The following PLEK2 variants were observed in gnomAD, a reference collection of about 807,000 sequenced individuals.
PLEK2 encodes the protein pleckstrin-2.
PLEK2 carries 29 observed loss-of-function variants against 43.8 expected under a neutral mutation model. That is an observed-to-expected ratio of 0.66 (90% confidence interval 0.49 to 0.90). PLEK2 has a LOEUF of 0.90. PLEK2 is among the 40% of genes least tolerant of loss of function. The pLI, the probability that PLEK2 is intolerant of heterozygous loss-of-function variation, is 0.00. For missense variants in PLEK2, 398 were observed against 448.1 expected (o/e 0.89, Z 1.01); for synonymous variants, 162 against 173.2 (o/e 0.94, Z 0.51).
chr14:67,392,893 C>T (rs376831704), intron 4 of PLEK2, 44 bp from the exon 5 acceptor site: 17 of 1,512,030 alleles, frequency 1.1e-5, no homozygotes, highest in African/African-American at 4.1e-5. Flanking sequence ...GATGGACCAG[C>T]GTCCTTGGGG....
At chr14:67,392,911 C>T (rs1008721020) in intron 4 of PLEK2, 62 bp from the exon 5 acceptor site, 13 of 1,380,428 alleles carry the variant, frequency 9.4e-6, no homozygotes, top group Non-Finnish European at 1.3e-5. Context: ...GGGTGTGTGG[C>T]CAATGACCTC....
At chr14:67,407,968 A>C (rs1201528193) in intron 1 of PLEK2, among the ~76,000 whole-genome samples, 1 of 151,938 alleles carries the variant, frequency 6.6e-6, no homozygotes, top group African/African-American at 2.4e-5. Context: ...TGGGTAACAT[A>C]CTGAGACATT....
intron 1 of PLEK2, among the ~76,000 whole-genome samples, chr14:67,400,572 T>G (rs1437416856): frequency 6.6e-6 from 1 of 152,202 alleles, no homozygotes; most frequent in Non-Finnish European, 1.5e-5. Flanking sequence ...CTGGGACATC[T>G]GGGTGCTTCT....
chr14:67,398,697 C>T (rs560075474), intron 1 of PLEK2, among the ~76,000 whole-genome samples: 2 of 152,206 alleles, frequency 1.3e-5, no homozygotes, highest in African/African-American at 4.8e-5. Flanking sequence ...GCTGGGACTA[C>T]AAGCGTGTGC....
In PLEK2 at chr14:67,388,280, C is replaced by T; in HGVS notation, c.878G>A (p.Gly293Glu). ...CACGAGTGAACCACGAAGAGAAAAC[C>T]CACCCACTGGCCTGTTCTCTTCCTG... ...PSKEENRPVG[G>E]FSLRGSLVSA... Residue 293 changes from glycine (G) to glutamate (E), a missense_variant, in exon 8 of 9, where the codon GGG becomes GAG. Transcript: ENST00000216446. 1 of 1,612,604 alleles carries T rather than the reference C, an allele frequency of 6.2e-7. No homozygotes were observed. The highest frequency in any genetic ancestry group is 8.5e-7 in the Non-Finnish European group (1 of 1,178,700).
In PLEK2 at chr14:67,407,585, C is replaced by T. The variant is rs576426800; in HGVS notation, c.42+4433G>A. Among the ~76,000 whole-genome samples, 6 of 151,952 alleles carry T rather than the reference C, an allele frequency of 3.9e-5. No homozygotes were observed. In the East Asian group the frequency reaches 5.8e-4, roughly 15 times the overall value. On this transcript the variant is annotated intron_variant, in intron 1 of 8. Transcript: ENST00000216446. ...CCTCCCAAGCAGCTGGGACTACAAGCGAGTACCACCATGACTGGCTAATTA... is the reference window on the plus strand; with the variant it reads ...CCTCCCAAGCAGCTGGGACTACAAGTGAGTACCACCATGACTGGCTAATTA...
chr14:67,388,570 G>T (rs2085944132), intron 7 of PLEK2, among the ~76,000 whole-genome samples: 1 of 152,190 alleles, frequency 6.6e-6, no homozygotes, highest in Non-Finnish European at 1.5e-5. Flanking sequence ...CATTCCTGGA[G>T]ATGTCTCAAA....
intron 1 of PLEK2, among the ~76,000 whole-genome samples, chr14:67,403,236 A>C (rs2086060108): frequency 6.6e-6 from 1 of 152,198 alleles, no homozygotes; most frequent in Non-Finnish European, 1.5e-5. Flanking sequence ...AGAAATGTCT[A>C]TTCAAATCTT....
intron 1 of PLEK2, among the ~76,000 whole-genome samples, chr14:67,399,482 G>T (rs2139870840): frequency 6.8e-6 from 1 of 148,018 alleles, no homozygotes; most frequent in South Asian, 2.2e-4. Context: ...TAGTTTAGGT[G>T]GCTGTCAGGT....
intron 8 of PLEK2, 52 bp downstream of exon 8, chr14:67,388,172 G>A: frequency 8.7e-7 from 1 of 1,148,848 alleles, no homozygotes; most frequent in East Asian, 2.3e-5. Flanking sequence ...TTACTGAGGT[G>A]CAGGAGGGAG....
chr14:67,393,128 C>T lies in PLEK2; in HGVS notation c.481+22G>A, dbSNP rs371934070. ...CATGTCCCAGCTTGACTGCCCAGCC[C>T]GGCCCTGGGGGACAGGCTCACCGAG... is the stretch of plus-strand genomic sequence containing the variant. On this transcript the variant is annotated intron_variant, in intron 4 of 8. Coordinates refer to ENST00000216446, the MANE Select transcript of PLEK2 (RefSeq NM_016445.3). 2,411 of 1,556,476 alleles carry T rather than the reference C, an allele frequency of 1.5e-3. 1 individual carries two copies. The highest frequency in any genetic ancestry group is 2.0e-3 in the Non-Finnish European group (2,310 of 1,127,352).
At chr14:67,410,058 T>C (rs368779323) in intron 1 of PLEK2, among the ~76,000 whole-genome samples, 2 of 152,124 alleles carry the variant, frequency 1.3e-5, no homozygotes, top group Admixed American at 6.5e-5. Flanking sequence ...GCCCCGTCTT[T>C]TCCAAGGGCT....
intron 7 of PLEK2, 40 bp downstream of exon 7, chr14:67,390,623 C>T (rs1198665167): frequency 2.1e-6 from 3 of 1,418,522 alleles, no homozygotes; most frequent in Admixed American, 1.7e-5. Context: ...CTGGGGGCAT[C>T]ACAACATGGG....
chr14:67,396,473 G>A (rs1043464281), intron 2 of PLEK2, among the ~76,000 whole-genome samples: 1 of 151,740 alleles, frequency 6.6e-6, no homozygotes, highest in Admixed American at 6.6e-5. Context: ...ATCAGACCAT[G>A]CTCTCACTCA....
At chr14:67,411,136 CAAAAAAAAAA>C (rs925514488) in intron 1 of PLEK2, among the ~76,000 whole-genome samples, 6 of 52,072 alleles carry the variant, frequency 1.2e-4, no homozygotes, top group Non-Finnish European at 2.1e-4. Context: ...GACCCTGTCT[CAAAAAAAAAA>C]AAAAAAAAAA....
At chr14:67,396,788 T>C (rs1046406713) in intron 2 of PLEK2, among the ~76,000 whole-genome samples, 6 of 152,260 alleles carry the variant, frequency 3.9e-5, no homozygotes, top group East Asian at 1.9e-4. Context: ...TGTGGCATCA[T>C]TGGAATGCCA....
At chr14:67,390,614 TG>T in intron 7 of PLEK2, 48 bp downstream of exon 7, 1 of 1,269,812 alleles carries the variant, frequency 7.9e-7, no homozygotes, top group East Asian at 2.3e-5. Flanking sequence ...GAGGAGTGTC[TG>T]GGGGCATCAC....
intron 1 of PLEK2, among the ~76,000 whole-genome samples, chr14:67,403,040 A>G (rs2086058999): frequency 6.6e-6 from 1 of 152,170 alleles, no homozygotes; most frequent in Non-Finnish European, 1.5e-5. Flanking sequence ...TCTCACCAAC[A>G]GTGTAGGAGG....
Position 67,412,127 on chromosome 14 carries a change from C to T in PLEK2, c.-68G>A, listed in dbSNP as rs902646358. ...CGCGCCTCGCGCTCCTCGGCACCCG[C>T]GCAGCCCGCGCAGTCCGCGCCCACG... On this transcript the variant is annotated 5_prime_UTR_variant, in exon 1 of 9. Coordinates refer to ENST00000216446, the MANE Select transcript of PLEK2 (RefSeq NM_016445.3). 7.5e-7 allele frequency: 1 copy of T among 1,334,458 alleles called. No homozygotes were observed. Among genetic ancestry groups the T allele is most frequent in the African/African-American group, 1.5e-5 (1 of 64,766 alleles). The allele number at this position is 1,334,458 out of a possible 1,614,324, so 82.7% of individuals were successfully genotyped here. A position where few individuals can be genotyped will look rare whatever the true frequency, so the allele number is the denominator to read the frequency against.
Sources: allele counts gnomAD v4.1 joint callset (sites outside exome capture counted in the v4.1 genomes callset), GRCh38; gene constraint gnomAD v4.1.1; transcripts MANE v1.5; gene names NCBI Gene and HGNC (gene_info 2026-07-23, HGNC 2026-07-21).